The following PPARGC1B variants were observed in gnomAD, a reference collection of about 807,000 sequenced individuals.
PPARGC1B encodes PPARG coactivator 1 beta.
In PPARGC1B, 34 loss-of-function variants were observed where a neutral mutation model predicts 101.6. The observed-to-expected ratio is 0.33, with a 90% CI of 0.25 to 0.45. The LOEUF is 0.45. Ranked by LOEUF, PPARGC1B falls within the 20% of genes least tolerant of loss-of-function variation. The pLI, the probability that PPARGC1B is intolerant of heterozygous loss-of-function variation, is 1.00. For missense variants in PPARGC1B, 1,234 were observed against 1,317.6 expected (o/e 0.94, Z 0.98); for synonymous variants, 548 against 539.3 (o/e 1.02, Z -0.22).
At chr5:149,766,460 G>A (rs569586117) in intron 1 of PPARGC1B, among the ~76,000 whole-genome samples, 11 of 152,180 alleles carry the variant, frequency 7.2e-5, no homozygotes, top group African/African-American at 1.7e-4. Context: ...TTAGTGTCAT[G>A]TATTTCAAAA....
chr5:149,817,736 G>T (rs1352887232), intron 1 of PPARGC1B: 1 of 456,720 alleles, frequency 2.2e-6, no homozygotes, highest in Non-Finnish European at 4.4e-6. Flanking sequence ...GTTGGAGAGG[G>T]TGCAGAAGAA....
Position 149,848,764 on chromosome 5 carries a change from C to A in PPARGC1B, c.*1206C>A, listed in dbSNP as rs1240750437. ...CTGGGAGCAGTCATCTTTTTTGGGC[C>A]AGCCACCAGCCCATCCTACTCCCTC... On this transcript the variant is annotated 3_prime_UTR_variant, in exon 12 of 12. Coordinates refer to ENST00000309241, the MANE Select transcript of PPARGC1B (RefSeq NM_133263.4). 6.6e-6 allele frequency: 1 copy of A among 152,194 alleles called. No homozygotes were observed. 9.4% of individuals were successfully genotyped at this position (152,194 alleles called of 1,614,324 possible).
chr5:149,754,862 A>G (rs556181232), intron 1 of PPARGC1B, among the ~76,000 whole-genome samples: 82 of 140,298 alleles, frequency 5.8e-4, no homozygotes, highest in African/African-American at 2.2e-3. Context: ...GCTCACTGCA[A>G]CCTCTGCCTC....
At chr5:149,835,048 A>G (rs1758987771) in intron 6 of PPARGC1B, among the ~76,000 whole-genome samples, 1 of 152,208 alleles carries the variant, frequency 6.6e-6, no homozygotes, top group African/African-American at 2.4e-5. Flanking sequence ...TAAAATAAGG[A>G]GGCTGACAAC....
At chr5:149,732,214 C>G (rs2011407) in intron 1 of PPARGC1B, among the ~76,000 whole-genome samples, 1 of 152,068 alleles carries the variant, frequency 6.6e-6, no homozygotes, top group Non-Finnish European at 1.5e-5. Flanking sequence ...TCAGTACCCC[C>G]AGAGCCGACA....
At chr5:149,748,315 A>C (rs1306095635) in intron 1 of PPARGC1B, among the ~76,000 whole-genome samples, 18 of 78,702 alleles carry the variant, frequency 2.3e-4, no homozygotes, top group Admixed American at 4.4e-4. Context: ...AGATATAGAT[A>C]TAGATATATC....
intron 11 of PPARGC1B, chr5:149,846,275 C>A: frequency 2.2e-6 from 1 of 457,270 alleles, no homozygotes; most frequent in Non-Finnish European, 3.8e-6. Flanking sequence ...CCGTGGTGAC[C>A]CCAGACAAGG....
chr5:149,830,038 AAAAAAAAAAAAAAAAAG>A (rs1199947069), intron 3 of PPARGC1B, among the ~76,000 whole-genome samples: 14 of 124,326 alleles, frequency 1.1e-4, no homozygotes, highest in Non-Finnish European at 1.7e-4. Context: ...CTCAAAAAAA[AAAAAAAAAAAAAAAAAG>A]AAAAAAAAAA....
chr5:149,759,345 T>C (rs1029816349), intron 1 of PPARGC1B, among the ~76,000 whole-genome samples: 2 of 152,170 alleles, frequency 1.3e-5, no homozygotes, highest in Admixed American at 1.3e-4. Context: ...AGGCAAGTAA[T>C]TGACTTGTTT....
At chr5:149,755,986 G>A (rs1048291826) in intron 1 of PPARGC1B, among the ~76,000 whole-genome samples, 2 of 152,150 alleles carry the variant, frequency 1.3e-5, no homozygotes, top group East Asian at 1.9e-4. Flanking sequence ...GAGGCACAGC[G>A]GCAGCAGTCA....
chr5:149,842,565 C>T (rs183963864), intron 10 of PPARGC1B, among the ~76,000 whole-genome samples, 188 bp downstream of exon 10: 5 of 152,362 alleles, frequency 3.3e-5, no homozygotes, highest in African/African-American at 4.8e-5. Flanking sequence ...GCAGCAAACA[C>T]GTGCTGATGG....
chr5:149,812,764 G>T (rs184935442), intron 1 of PPARGC1B, among the ~76,000 whole-genome samples: 102 of 152,316 alleles, frequency 6.7e-4, no homozygotes, highest in African/African-American at 2.3e-3. Flanking sequence ...CAGTTTCCTG[G>T]TATTTGCCAT....
chr5:149,793,099 A>G (rs987215568), intron 1 of PPARGC1B, among the ~76,000 whole-genome samples: 1 of 152,000 alleles, frequency 6.6e-6, no homozygotes, highest in Non-Finnish European at 1.5e-5. Context: ...GTTCTCCATC[A>G]TCTGGGCCTC....
chr5:149,795,888 G>T (rs1581062713), intron 1 of PPARGC1B, among the ~76,000 whole-genome samples: 2 of 152,126 alleles, frequency 1.3e-5, no homozygotes, highest in Admixed American at 1.3e-4. Flanking sequence ...ACCTCATTAG[G>T]CCTCCTCAGT....
intron 1 of PPARGC1B, among the ~76,000 whole-genome samples, chr5:149,738,456 C>T (rs1754803535): frequency 6.6e-6 from 1 of 152,186 alleles, no homozygotes; most frequent in Non-Finnish European, 1.5e-5. Flanking sequence ...TTTATATCTT[C>T]AGTCTGAGTG....
At chr5:149,799,687 G>GTTTTTTTTTTTTTTTTTTTTTTTT (rs1561553708) in intron 1 of PPARGC1B, among the ~76,000 whole-genome samples, 1 of 85,438 alleles carries the variant, frequency 1.2e-5, no homozygotes, top group African/African-American at 4.2e-5. Flanking sequence ...TTGTTTGCTT[G>GTTTTTTTTTTTTTTTTTTTTTTTT]TTGTTGTTTT....
In PPARGC1B at chr5:149,854,067, G is replaced by A. The variant is rs552194189; in HGVS notation, c.*6509G>A. On this transcript the variant is annotated 3_prime_UTR_variant, in exon 12 of 12. Coordinates refer to ENST00000309241, the MANE Select transcript of PPARGC1B (RefSeq NM_133263.4). The stretch of plus-strand genomic sequence containing the variant: ...AGCCAGCCTTAATCAACTGGGCAAG[G>A]TGGTCCCTATGGTCCTTTCCAGCAT... The A allele has an allele frequency of 6.6e-6, 1 of 152,294 alleles. No individual in the cohort carries two copies. Among genetic ancestry groups the A allele is most frequent in the African/African-American group, 2.4e-5 (1 of 41,558 alleles). 9.4% of individuals were successfully genotyped at this position (152,294 alleles called of 1,614,324 possible).
Position 149,833,152 on chromosome 5 carries a change from G to A in PPARGC1B, c.1079G>A (p.Arg360His), listed in dbSNP as rs745847761. ...CTCTGTGATGTCAGCAAACCCTACC[G>A]TCTGGCCACGCCTGTTTATGCCTCC... ...DVLCDVSKPY[R>H]LATPVYASLT... is the part of the protein sequence containing the mutation. Residue 360 changes from arginine to histidine, a missense_variant, in exon 5 of 12, where the codon CGT becomes CAT. Arg to His is a conservative substitution (Grantham distance 29, BLOSUM62 0). Transcript: ENST00000309241. The surrounding 1 kb of genome is among the most constrained non-coding windows in gnomAD (Gnocchi z 4.1). 54 of 1,613,564 alleles carry A rather than the reference G, an allele frequency of 3.3e-5. No homozygotes were observed. Among genetic ancestry groups the A allele is most frequent in the Middle Eastern group, 1.6e-4 (1 of 6,084 alleles).
chr5:149,772,688 C>T (rs903186721), intron 1 of PPARGC1B, among the ~76,000 whole-genome samples: 5 of 152,252 alleles, frequency 3.3e-5, no homozygotes, highest in African/African-American at 1.2e-4. Context: ...TTGTCGTGAC[C>T]TAATTTTAAC....
Sources: gnomAD v4.1 joint callset for allele counts (sites outside exome capture counted in the v4.1 genomes callset) on GRCh38, gnomAD v4.1.1 for gene constraint, Gnocchi (gnomAD v3.1) non-coding constraint, MANE v1.5 for transcripts, NCBI Gene and HGNC (gene_info 2026-07-23, HGNC 2026-07-21) for gene names.